COLQ: variants seen among roughly 807,000 people sequenced by gnomAD.
COLQ encodes the protein acetylcholinesterase collagenic tail peptide.
In COLQ, 48 loss-of-function variants were observed where a neutral mutation model predicts 69.0. That is an observed-to-expected ratio of 0.70 (90% CI 0.55 to 0.88). The LOEUF (loss-of-function observed/expected upper bound fraction) is 0.88, where lower values mean the gene tolerates loss of function less well. Among genes scored for constraint, COLQ ranks in the 40% least tolerant of loss-of-function variants. The probability of loss-of-function intolerance (pLI) is 0.00; values close to 1 mark genes in which losing one functional copy is unlikely to be tolerated. For missense variants in COLQ, 618 were observed against 594.6 expected (o/e 1.04, Z -0.41); for synonymous variants, 217 against 211.2 (o/e 1.03, Z -0.24).
At chr3:15,469,847 G>T (rs534139736) in intron 11 of COLQ, among the ~76,000 whole-genome samples, 9 of 152,172 alleles carry the variant, frequency 5.9e-5, no homozygotes, top group Non-Finnish European at 1.2e-4. Flanking sequence ...TGATCTTGAT[G>T]TAAGATTAAG....
intron 5 of COLQ, 26 bp downstream of exon 5, chr3:15,478,951 C>A: frequency 6.2e-7 from 1 of 1,614,134 alleles, no homozygotes; most frequent in Non-Finnish European, 8.5e-7. Context: ...GCTCATGTGA[C>A]ACTCACAGAA....
chr3:15,477,265 G>A (rs991851079), intron 5 of COLQ, 68 bp from the exon 6 acceptor site: 7 of 1,439,950 alleles, frequency 4.9e-6, no homozygotes, highest in African/African-American at 1.4e-5. Flanking sequence ...AATATGTTTT[G>A]TCTCTGGGGC....
intron 15 of COLQ, 160 bp from the exon 16 acceptor site, chr3:15,454,091 A>G: frequency 1.5e-6 from 1 of 647,686 alleles, no homozygotes; most frequent in Admixed American, 2.2e-5. Flanking sequence ...GACTGCCCAC[A>G]GGCTCTGGTC....
chr3:15,497,634 C>T (rs1452319141), intron 1 of COLQ, among the ~76,000 whole-genome samples: 1 of 152,178 alleles, frequency 6.6e-6, no homozygotes, highest in Non-Finnish European at 1.5e-5. Context: ...AGTTGGTGGA[C>T]TAGTCAGCTT....
chr3:15,517,440 G>A (rs1043260599), intron 1 of COLQ, among the ~76,000 whole-genome samples: 1 of 152,168 alleles, frequency 6.6e-6, no homozygotes, highest in Non-Finnish European at 1.5e-5. Flanking sequence ...TAAACTGTGT[G>A]GAAGGCCTGC....
At chr3:15,517,886 A>C (rs1485073476) in intron 1 of COLQ, among the ~76,000 whole-genome samples, 1 of 152,196 alleles carries the variant, frequency 6.6e-6, no homozygotes, top group African/African-American at 2.4e-5. Flanking sequence ...TACTGTAGTC[A>C]ATGACGCCTT....
chr3:15,478,011 C>T (rs748193346), intron 5 of COLQ, among the ~76,000 whole-genome samples: 2 of 152,196 alleles, frequency 1.3e-5, no homozygotes, highest in Non-Finnish European at 2.9e-5. Flanking sequence ...TAGCTAATTT[C>T]GCAATTAGCT....
chr3:15,475,282 G>C (rs2062360425), intron 7 of COLQ, 143 bp downstream of exon 7: 1 of 831,586 alleles, frequency 1.2e-6, no homozygotes, highest in South Asian at 1.5e-5. Context: ...GTTCTCCAAA[G>C]GGCTGGTAAA....
In COLQ at chr3:15,483,216, G is replaced by T. The variant is rs555670094; in HGVS notation, c.322-3834C>A. Among the ~76,000 whole-genome samples, 22 of 152,188 alleles carry T rather than the reference G, an allele frequency of 1.4e-4. 1 individual carries two copies. In the East Asian group the frequency reaches 2.3e-3, roughly 16 times the overall value. ...TTTTTTCGTGTCTCTATCTCCATCA[G>T]TTCTGCTCTGATCTTAGTTATTTCT... On this transcript the variant is annotated intron_variant, in intron 3 of 16. Transcript: ENST00000383788.
intron 11 of COLQ, 62 bp downstream of exon 11, chr3:15,470,474 C>G: frequency 4.7e-6 from 7 of 1,473,980 alleles, no homozygotes; most frequent in South Asian, 3.4e-5. Flanking sequence ...GCCTGCCACT[C>G]CACACACTGC....
chr3:15,499,018 C>T (rs2062793860), intron 1 of COLQ: 1 of 1,006,748 alleles, frequency 9.9e-7, no homozygotes, highest in Non-Finnish European at 1.2e-6. Flanking sequence ...GCCTCAAAGT[C>T]AACCCCCCAC....
chr3:15,513,958 T>A (rs1025104356), intron 1 of COLQ, among the ~76,000 whole-genome samples: 10 of 152,006 alleles, frequency 6.6e-5, no homozygotes, highest in African/African-American at 2.4e-4. Flanking sequence ...ACCACAAGGG[T>A]CATTATAAGA....
intron 1 of COLQ, among the ~76,000 whole-genome samples, chr3:15,502,826 T>A (rs1264039590): frequency 6.6e-6 from 1 of 152,176 alleles, no homozygotes; most frequent in Non-Finnish European, 1.5e-5. Flanking sequence ...GGAAGGAGCA[T>A]TGCCTGCGCT....
At chr3:15,452,888 C>T (rs1450614564) in intron 16 of COLQ, among the ~76,000 whole-genome samples, 1 of 152,228 alleles carries the variant, frequency 6.6e-6, no homozygotes, top group Admixed American at 6.5e-5. Context: ...GAGAGACAGG[C>T]ATGGCTCCCC....
In COLQ at chr3:15,451,728, G is replaced by T. The variant is rs994643666; in HGVS notation, c.1299-15C>A. 1.4e-5 allele frequency: 22 copies of T among 1,612,406 alleles called. No individual in the cohort carries two copies. Among genetic ancestry groups the T allele is most frequent in the Non-Finnish European group, 1.9e-5 (22 of 1,178,786 alleles). On this transcript the variant is annotated splice_polypyrimidine_tract_variant and intron_variant, in intron 16 of 16. Coordinates refer to ENST00000383788, the MANE Select transcript of COLQ (RefSeq NM_005677.4). ...CTCCATATGACCTGAGGGAGGCAAA[G>T]ACACGTTCTAAAAGGCCACCTCTTA...
intron 11 of COLQ, chr3:15,467,904 T>C: frequency 2.2e-6 from 1 of 456,776 alleles, no homozygotes; most frequent in Non-Finnish European, 4.4e-6. Context: ...AAGGAGTTCT[T>C]GAACTCTGAA....
intron 3 of COLQ, among the ~76,000 whole-genome samples, chr3:15,480,060 C>T (rs980449703): frequency 6.6e-5 from 10 of 152,206 alleles, no homozygotes; most frequent in African/African-American, 2.2e-4. Flanking sequence ...AATGCTCAGT[C>T]AGCTGTTTTC....
chr3:15,464,214 C>A (rs1360631520), intron 12 of COLQ, among the ~76,000 whole-genome samples: 1 of 152,148 alleles, frequency 6.6e-6, no homozygotes, highest in East Asian at 1.9e-4. Flanking sequence ...GAGAAAGAGA[C>A]AGGTCTCAGA....
intron 11 of COLQ, among the ~76,000 whole-genome samples, chr3:15,468,337 T>G (rs1198511056): frequency 2.1e-5 from 3 of 143,244 alleles, no homozygotes; most frequent in Admixed American, 2.1e-4. Flanking sequence ...TTTTTTTTTT[T>G]TTTTTTTTTT....
Sources: gnomAD v4.1 joint callset for allele counts (sites outside exome capture counted in the v4.1 genomes callset) on GRCh38, gnomAD v4.1.1 for gene constraint, MANE v1.5 for transcripts, NCBI Gene and HGNC (gene_info 2026-07-23, HGNC 2026-07-21) for gene names.